Variants in FDXACB1 observed in about 807,000 individuals in gnomAD.
FDXACB1 encodes the protein ferredoxin-fold anticodon-binding domain-containing protein 1.
Under a neutral mutation model 51.7 loss-of-function variants are expected in FDXACB1, and 41 were observed. The ratio of observed to expected loss-of-function variants is 0.79; its 90% CI spans 0.62 to 1.03. The LOEUF is 1.03. Ranked by LOEUF, FDXACB1 falls within the 50% of genes least tolerant of loss-of-function variation. FDXACB1 has a pLI of 0.00. For synonymous variants in FDXACB1, 273 were observed against 278.6 expected, an observed-to-expected ratio of 0.98 and a Z score of 0.20; for missense variants, 697 against 746.4, an observed-to-expected ratio of 0.93 and a Z score of 0.77.
In FDXACB1 at chr11:111,876,573, A is replaced by G. The variant is rs7124696; in HGVS notation, c.600T>C (p.Phe200=). 0.29 allele frequency: 466,242 copies of G among 1,613,674 alleles called. 68,455 individuals carry two copies. Among genetic ancestry groups the G allele is most frequent in the Middle Eastern group, 0.35 (2,113 of 6,062 alleles). The change falls in exon 4 of 5, where the codon TTT becomes TTC. Residue 200 remains phenylalanine (F), a synonymous_variant. Coordinates refer to ENST00000260257, the MANE Select transcript of FDXACB1 (RefSeq NM_138378.3). ...TGAAGATTCTGGGTTGAGAACCTTC[A>G]AAAGGTAAGCTCCTGGTGAAGATAT... is the stretch of plus-strand genomic sequence containing the variant. ...LNHIFTRSLP[F]EGSQPRIFRI... is the part of the protein sequence containing the mutation.
rs781895916 is a variant in FDXACB1, at chr11:111,878,985, T to C, written c.148A>G (p.Asn50Asp). 8.7e-6 allele frequency: 14 copies of C among 1,608,614 alleles called. No homozygotes were observed. The South Asian group carries it at 1.5e-4, about 18-fold the overall frequency. ...ELARDPLAWENLQCLRERGID... is the reference protein window; with the variant it reads ...ELARDPLAWEDLQCLRERGID... ...CCTCGCTCGCGCAGGCACTGCAGAT[T>C]CTCCCAGGCCAGTGGATCCCGAGCC... Residue 50 changes from asparagine (N) to aspartate (D), a missense_variant, in exon 1 of 5, where the codon AAT becomes GAT. Physicochemically the swap from Asn to Asp is conservative, Grantham distance 23. This residue lies in a region of FDXACB1 where 153 missense variants were observed against 133.5 expected (regional missense o/e 1.15). Coordinates refer to ENST00000260257, the MANE Select transcript of FDXACB1 (RefSeq NM_138378.3).
chr11:111,878,682 G>A lies in FDXACB1; in HGVS notation c.203C>T (p.Thr68Ile), dbSNP rs1337001085. ...CAGTTCAAAGACATCTGCCAGCTGGGTGCAGTCCACACCGAAACGTACATC... is the reference window on the plus strand; with the variant it reads ...CAGTTCAAAGACATCTGCCAGCTGGATGCAGTCCACACCGAAACGTACATC... ...GIDVRFGVDC[T>I]QLADVFELHE... Residue 68 changes from threonine (T) to isoleucine (I), a missense_variant, in exon 2 of 5, where the codon ACC becomes ATC. By Grantham distance (89) the Thr-to-Ile change is moderately conservative. This residue lies in a region of FDXACB1 where 153 missense variants were observed against 133.5 expected (regional missense o/e 1.15). Coordinates refer to ENST00000260257, the MANE Select transcript of FDXACB1 (RefSeq NM_138378.3). 9.9e-6 allele frequency: 16 copies of A among 1,612,048 alleles called. No individual in the cohort carries two copies. Among genetic ancestry groups the A allele is most frequent in the Non-Finnish European group, 1.4e-5 (16 of 1,179,192 alleles).
chr11:111,878,869 T>TCCACGTGGGTTACATCC (rs1234527425), intron 1 of FDXACB1, 92 bp downstream of exon 1: 4 of 1,528,234 alleles, frequency 2.6e-6, no homozygotes, highest in African/African-American at 2.8e-5. Context: ...AAGAACAATC[T>TCCACGTGGGTTACATCC]CCACGTGGGT....
Position 111,875,421 on chromosome 11 carries a change from G to A in FDXACB1, c.1376C>T (p.Pro459Leu). 6.2e-7 allele frequency: 1 copy of A among 1,613,338 alleles called. No individual in the cohort carries two copies. Among genetic ancestry groups the A allele is most frequent in the Non-Finnish European group, 8.5e-7 (1 of 1,179,798 alleles). ...MIRVKTHNFS[P>L]DCTEDLIIGS... is the part of the protein sequence containing the mutation. Reference sequence around the variant, plus strand: ...AATAATTAGATCCTCAGTACAATCTGGGCTAAAATTATGAGTCTTCACACG... The same window carrying A: ...AATAATTAGATCCTCAGTACAATCTAGGCTAAAATTATGAGTCTTCACACG... The change falls in exon 5 of 5, where the codon CCA becomes CTA. Residue 459 changes from proline (P) to leucine (L), a missense_variant. By Grantham distance (98) the Pro-to-Leu change is moderately conservative (BLOSUM62 -3). This residue lies in a region of FDXACB1 where 538 missense variants were observed against 592.2 expected (regional missense o/e 0.91). Transcript: ENST00000260257.
chr11:111,874,294 A>C lies in FDXACB1; in HGVS notation c.*628T>G, dbSNP rs1964760067. The stretch of plus-strand genomic sequence containing the variant: ...CATATTTATATTTGATGAGACACTT[A>C]AGTTCTACTGCCTGTTCAACAATAG... On this transcript the variant is annotated 3_prime_UTR_variant, in exon 5 of 5. Coordinates refer to ENST00000260257, the MANE Select transcript of FDXACB1 (RefSeq NM_138378.3). 6.6e-6 allele frequency: 1 copy of C among 152,234 alleles called. No homozygotes were observed. Among genetic ancestry groups the C allele is most frequent in the South Asian group, 2.1e-4 (1 of 4,832 alleles). 9.4% of individuals were successfully genotyped at this position (152,234 alleles called of 1,614,324 possible).
At position 111,875,161 on chromosome 11, in the gene FDXACB1, G is replaced by C; in HGVS notation, c.1636C>G (p.Gln546Glu). The change falls in exon 5 of 5, where the codon CAG becomes GAG. Residue 546 changes from glutamine (Q) to glutamate (E), a missense_variant. Gln to Glu is a conservative substitution (Grantham distance 29, BLOSUM62 2). Transcript: ENST00000260257. ...YVHDVSFWID[Q>E]KKGFDELEFH... ...TCTAGTTCATCAAATCCTTTCTTCTGATCTATCCAAAAACTAACATCATGC... is the reference window on the plus strand; with the variant it reads ...TCTAGTTCATCAAATCCTTTCTTCTCATCTATCCAAAAACTAACATCATGC... The C allele has an allele frequency of 5.0e-6, 8 of 1,613,744 alleles. No homozygotes were observed. Among genetic ancestry groups the C allele is most frequent in the Non-Finnish European group, 6.8e-6 (8 of 1,179,872 alleles).
intron 4 of FDXACB1, 50 bp downstream of exon 4, chr11:111,876,431 T>A (rs781790559): frequency 6.3e-7 from 1 of 1,580,666 alleles, no homozygotes. Flanking sequence ...ATCAAGACAA[T>A]CAGGATACAA....
In FDXACB1 at chr11:111,877,822, A is replaced by G. The variant is rs540033762; in HGVS notation, c.329+734T>C. On this transcript the variant is annotated intron_variant, in intron 2 of 4. Transcript: ENST00000260257. ...ATGAGCCACCACGCCTGGCCCAGTT[A>G]GTTACTATTAATATCCCTAGTTTAC... 7.3e-5 allele frequency among the ~76,000 whole-genome samples: 11 copies of G among 151,436 alleles called. No homozygotes were observed. The South Asian group carries it at 2.3e-3, about 32-fold the overall frequency.
At position 111,876,864 on chromosome 11, in the gene FDXACB1, G is replaced by A. The variant is rs149256640; in HGVS notation, c.477C>T (p.Ser159=). The A allele has an allele frequency of 0.014, 23,271 of 1,613,754 alleles. 222 individuals are homozygous for A. The highest frequency in any genetic ancestry group is 0.017 in the Non-Finnish European group (20,557 of 1,179,782). The change falls in exon 3 of 5, where the codon AGC becomes AGT. Residue 159 remains serine, a synonymous_variant. Coordinates refer to ENST00000260257, the MANE Select transcript of FDXACB1 (RefSeq NM_138378.3). Reference sequence around the variant, plus strand: ...CCTTACAGCTGAATGGATACACGTCGCTTAAAATGAGCCCCCCCAGGGCTG... The same window carrying A: ...CCTTACAGCTGAATGGATACACGTCACTTAAAATGAGCCCCCCCAGGGCTG... ...AMAALGGLIL[S]DVYPFSCKAV...
chr11:111,876,622 A>T lies in FDXACB1; in HGVS notation c.551T>A (p.Phe184Tyr). Reference protein sequence around the residue: ...CTGYRSQDKSFHVEGALNHIF... With the variant: ...CTGYRSQDKSYHVEGALNHIF... ...ATGGTTCAAAGCACCTTCTACATGA[A>T]AGGACTTATCTTGACTCCTGGCAAA... Residue 184 changes from phenylalanine to tyrosine, a missense_variant, in exon 4 of 5, where the codon TTT (phenylalanine) becomes TAT (tyrosine). Phe to Tyr is a conservative substitution (Grantham distance 22). Transcript: ENST00000260257. The T allele has an allele frequency of 6.2e-7, 1 of 1,613,516 alleles. No homozygotes were observed. The highest frequency in any genetic ancestry group is 8.5e-7 in the Non-Finnish European group (1 of 1,179,746).
Position 111,879,058 on chromosome 11 carries a change from A to G in FDXACB1, c.75T>C (p.Asp25=). 2 of 1,613,714 alleles carry G rather than the reference A, an allele frequency of 1.2e-6. No homozygotes were observed. Among genetic ancestry groups the G allele is most frequent in the Non-Finnish European group, 1.7e-6 (2 of 1,179,842 alleles). ...AGGTGGCGGTAAGTTGAGTGCTCTGATCCAGGGTTTCGCTCAGAGCGGCGG... is the reference window on the plus strand; with the variant it reads ...AGGTGGCGGTAAGTTGAGTGCTCTGGTCCAGGGTTTCGCTCAGAGCGGCGG... ...SFAAALSETL[D]QSTQLTATCL... is the part of the protein sequence containing the mutation. Residue 25 remains aspartate, a synonymous_variant, in exon 1 of 5, where the codon GAT becomes GAC. Coordinates refer to ENST00000260257, the MANE Select transcript of FDXACB1 (RefSeq NM_138378.3).
At position 111,879,146 on chromosome 11, in the gene FDXACB1, T is replaced by C. The variant is rs1394012779; in HGVS notation, c.-14A>G. 1 of 1,594,714 alleles carries C rather than the reference T, an allele frequency of 6.3e-7. No homozygotes were observed. Among genetic ancestry groups the C allele is most frequent in the Non-Finnish European group, 8.5e-7 (1 of 1,170,710 alleles). On this transcript the variant is annotated 5_prime_UTR_variant, in exon 1 of 5. Coordinates refer to ENST00000260257, the MANE Select transcript of FDXACB1 (RefSeq NM_138378.3). ...CCGAGGGGCCATGGCCTCCACGGAC[T>C]CCCGGCTCGCGTTCTCTGTGGCGCT...
At chr11:111,876,709 A>C in intron 3 of FDXACB1, 70 bp from the exon 4 acceptor site, 3 of 1,584,866 alleles carry the variant, frequency 1.9e-6, no homozygotes, top group Non-Finnish European at 2.6e-6. Context: ...AGACCGAATC[A>C]ATTAATTGGC....
chr11:111,878,077 C>A (rs1218900593), intron 2 of FDXACB1, among the ~76,000 whole-genome samples: 1 of 151,986 alleles, frequency 6.6e-6, no homozygotes, highest in African/African-American at 2.4e-5. Flanking sequence ...CTCCCAGCTA[C>A]TTGGGAGGCT....
In FDXACB1 at chr11:111,876,876, C is replaced by G. The variant is rs202170043; in HGVS notation, c.465G>C (p.Gly155=). The G allele has an allele frequency of 3.1e-6, 5 of 1,613,362 alleles. No individual in the cohort carries two copies. The East Asian group carries it at 8.9e-5, about 29-fold the overall frequency. ...WQVVAMAALG[G]LILSDVYPFS... is the part of the protein sequence containing the mutation. ...ATGGATACACGTCGCTTAAAATGAG[C>G]CCCCCCAGGGCTGCCATGGCAACCA... is the stretch of plus-strand genomic sequence containing the variant. Residue 155 remains glycine (G), a synonymous_variant, in exon 3 of 5, where the codon GGG becomes GGC. Transcript: ENST00000260257.
intron 4 of FDXACB1, 39 bp from the exon 5 acceptor site, chr11:111,876,143 G>T (rs1555162132): frequency 6.9e-7 from 1 of 1,442,640 alleles, no homozygotes; most frequent in East Asian, 2.3e-5. Context: ...TCTAACTTAA[G>T]ATAGTAAATA....
In FDXACB1 at chr11:111,878,545, C is replaced by G; in HGVS notation, c.329+11G>C. ...TAAACATTTTCCTTGTGAGGGCGCT[C>G]CTTTCCTCACCTTTGGAAAAATTTG... On this transcript the variant is annotated intron_variant, in intron 2 of 4. Transcript: ENST00000260257. 1 of 1,575,872 alleles carries G rather than the reference C, an allele frequency of 6.3e-7. No homozygotes were observed. The highest frequency in any genetic ancestry group is 8.6e-7 in the Non-Finnish European group (1 of 1,160,184).
At chr11:111,878,103 C>T (rs1327549143) in intron 2 of FDXACB1, among the ~76,000 whole-genome samples, 1 of 152,008 alleles carries the variant, frequency 6.6e-6, no homozygotes, top group African/African-American at 2.4e-5. Flanking sequence ...AGGAGAATGG[C>T]GTGAACCCAG....
In FDXACB1 at chr11:111,876,935, T is replaced by G. The variant is rs368204224; in HGVS notation, c.406A>C (p.Lys136Gln). 5.6e-6 allele frequency: 9 copies of G among 1,610,562 alleles called. No homozygotes were observed. The highest frequency in any genetic ancestry group is 3.4e-5 in the Admixed American group (2 of 59,382). The change falls in exon 3 of 5, where the codon AAG becomes CAG. Residue 136 changes from lysine (K) to glutamine (Q), a missense_variant. This residue lies in a region of FDXACB1 where 538 missense variants were observed against 592.2 expected (regional missense o/e 0.91). Coordinates refer to ENST00000260257, the MANE Select transcript of FDXACB1 (RefSeq NM_138378.3). ...CTGTTGTGCCATTCTCTCTGGGGCT[T>G]ATCCGCAGGAGTTCCACCTTGTCCT... ...CRGQGGTPAD[K>Q]PQREWHNSWQ...
Sources: gnomAD v4.1 joint callset for allele counts (sites outside exome capture counted in the v4.1 genomes callset) on GRCh38, gnomAD v4.1.1 for gene constraint, gnomAD v4.1.1 regional missense constraint, MANE v1.5 for transcripts, NCBI Gene and HGNC (gene_info 2026-07-23, HGNC 2026-07-21) for gene names.